COBL: variants seen among roughly 807,000 people sequenced by gnomAD.
COBL encodes the protein cordon-bleu WH2 repeat protein.
In COBL, 51 loss-of-function variants were observed where a neutral mutation model predicts 98.8. The observed-to-expected ratio is 0.52, with a 90% confidence interval of 0.41 to 0.65. COBL has a LOEUF of 0.65. Among genes scored for constraint, COBL ranks in the 30% least tolerant of loss-of-function variants. The pLI, the probability that COBL is intolerant of heterozygous loss-of-function variation, is 0.00. For missense variants in COBL, 1,617 were observed against 1,617.5 expected, an observed-to-expected ratio of 1.00 and a Z score of 0.01; for synonymous variants, 634 against 651.7, an observed-to-expected ratio of 0.97 and a Z score of 0.41.
chr7:51,240,216 G>A (rs116088926), intron 1 of COBL, among the ~76,000 whole-genome samples: 2,098 of 152,256 alleles, frequency 0.014, 62 homozygotes, highest in African/African-American at 0.048. Context: ...TGACAATGCA[G>A]ATCACACTCA....
intron 6 of COBL, among the ~76,000 whole-genome samples, chr7:51,131,591 TTC>T (rs1200207792): frequency 4.0e-5 from 6 of 150,862 alleles, no homozygotes; most frequent in Admixed American, 2.7e-4. Context: ...TTGATTCTTC[TTC>T]TTTTTTTTTT....
chr7:51,185,925 T>A (rs767041731), intron 4 of COBL, among the ~76,000 whole-genome samples: 1 of 152,178 alleles, frequency 6.6e-6, no homozygotes, highest in African/African-American at 2.4e-5. Context: ...AAGGTGCACA[T>A]CCTAGCCACC....
chr7:51,073,372 C>G (rs757874175), intron 7 of COBL: 3 of 694,414 alleles, frequency 4.3e-6, no homozygotes, highest in Non-Finnish European at 7.9e-6. Context: ...TAGGGAATGA[C>G]GCACAGCAAT....
At chr7:51,279,011 A>G (rs1799571989) in intron 1 of COBL, among the ~76,000 whole-genome samples, 1 of 152,258 alleles carries the variant, frequency 6.6e-6, no homozygotes, top group Non-Finnish European at 1.5e-5. Context: ...CAGTCCTGTA[A>G]GGAGTGATAC....
intron 5 of COBL, among the ~76,000 whole-genome samples, chr7:51,142,221 G>A (rs1008342111): frequency 6.6e-6 from 1 of 151,986 alleles, no homozygotes; most frequent in Non-Finnish European, 1.5e-5. Context: ...CCTGGGGGAT[G>A]GCATTTTAAG....
intron 5 of COBL, among the ~76,000 whole-genome samples, chr7:51,177,446 G>A (rs1788477216): frequency 1.3e-5 from 2 of 152,104 alleles, no homozygotes; most frequent in African/African-American, 4.8e-5. Flanking sequence ...TGTATCCAAA[G>A]AGCACAAGAA....
chr7:51,292,026 T>C (rs1351430879), intron 1 of COBL, among the ~76,000 whole-genome samples: 1 of 150,932 alleles, frequency 6.6e-6, no homozygotes, highest in Non-Finnish European at 1.5e-5. Flanking sequence ...CTGGGTGTGG[T>C]GGAGGGCGCT....
chr7:51,280,437 A>G (rs1799718661), intron 1 of COBL, among the ~76,000 whole-genome samples: 1 of 152,202 alleles, frequency 6.6e-6, no homozygotes, highest in Admixed American at 6.5e-5. Flanking sequence ...TTCAAACACA[A>G]AAAGAGGAAA....
At chr7:51,133,409 C>T (rs1374171589) in intron 6 of COBL, among the ~76,000 whole-genome samples, 2 of 152,172 alleles carry the variant, frequency 1.3e-5, no homozygotes, top group Non-Finnish European at 2.9e-5. Flanking sequence ...TTTGAGTAGT[C>T]AAAATTCAGA....
chr7:51,187,327 T>TACACACACAC (rs1485148956), intron 4 of COBL, among the ~76,000 whole-genome samples: 6 of 139,040 alleles, frequency 4.3e-5, no homozygotes, highest in African/African-American at 1.8e-4. Context: ...TATATATATA[T>TACACACACAC]ATATACACAC....
chr7:51,219,043 T>G (rs1793361212), intron 2 of COBL, among the ~76,000 whole-genome samples: 1 of 152,196 alleles, frequency 6.6e-6, no homozygotes, highest in African/African-American at 2.4e-5. Context: ...TTGATCACTG[T>G]CAAACATAAA....
chr7:51,114,835 G>A (rs1176868966), intron 6 of COBL, among the ~76,000 whole-genome samples: 1 of 152,152 alleles, frequency 6.6e-6, no homozygotes, highest in Admixed American at 6.5e-5. Flanking sequence ...GTATTGTATG[G>A]ATTTGTTTAC....
At chr7:51,226,582 G>C (rs1794222877) in intron 1 of COBL, among the ~76,000 whole-genome samples, 1 of 148,520 alleles carries the variant, frequency 6.7e-6, no homozygotes, top group South Asian at 2.1e-4. Context: ...AAGTGAGTGA[G>C]TGAGGGAGTG....
chr7:51,086,340 T>C (rs1437534086), intron 6 of COBL, among the ~76,000 whole-genome samples: 2 of 124,460 alleles, frequency 1.6e-5, no homozygotes, highest in African/African-American at 3.2e-5. Context: ...CTGGGTGATG[T>C]AGCAAGACTG....
At chr7:51,263,941 G>C (rs191286114) in intron 1 of COBL, among the ~76,000 whole-genome samples, 23 of 152,304 alleles carry the variant, frequency 1.5e-4, no homozygotes, top group Admixed American at 9.1e-4. Context: ...TTGGCACTGT[G>C]GTAGGTTCTT....
In COBL at chr7:51,219,939, T is replaced by C; in HGVS notation, c.47A>G (p.Lys16Arg). The change falls in exon 2 of 13, where the codon AAG (lysine) becomes AGG (arginine). Residue 16 changes from lysine to arginine, a missense_variant. Lys to Arg is a conservative substitution (Grantham distance 26). This residue lies in a region of COBL where 238 missense variants were observed against 215.0 expected (regional missense o/e 1.11). Coordinates refer to ENST00000265136, the MANE Select transcript of COBL (RefSeq NM_015198.5). ...ASAAKPPTGR[K>R]MKARAPPPPG... ...AGGTGGGGGAGCACGAGCCTTCATCTTCCTCCTTAAAAACAACAACACAAA... is the reference window on the plus strand; with the variant it reads ...AGGTGGGGGAGCACGAGCCTTCATCCTCCTCCTTAAAAACAACAACACAAA... 1 of 1,609,758 alleles carries C rather than the reference T, an allele frequency of 6.2e-7. No individual in the cohort carries two copies. The highest frequency in any genetic ancestry group is 8.5e-7 in the Non-Finnish European group (1 of 1,179,032).
At chr7:51,127,102 T>C (rs1798285046) in intron 6 of COBL, among the ~76,000 whole-genome samples, 2 of 152,126 alleles carry the variant, frequency 1.3e-5, no homozygotes, top group Non-Finnish European at 2.9e-5. Flanking sequence ...CCGTGGGACG[T>C]GGAGGGCCCT....
At chr7:51,109,012 C>G (rs1338300172) in intron 6 of COBL, among the ~76,000 whole-genome samples, 1 of 151,850 alleles carries the variant, frequency 6.6e-6, no homozygotes, top group African/African-American at 2.4e-5. Flanking sequence ...CTTCCTTTTC[C>G]TTAGTCTCGG....
chr7:51,023,373 A>G (rs1787135111), intron 12 of COBL, among the ~76,000 whole-genome samples: 1 of 152,186 alleles, frequency 6.6e-6, no homozygotes, highest in Non-Finnish European at 1.5e-5. Flanking sequence ...CTGGGTAAGG[A>G]GACTTTTCTC....
Sources: allele counts gnomAD v4.1 joint callset (sites outside exome capture counted in the v4.1 genomes callset), GRCh38; gene constraint gnomAD v4.1.1; regional missense constraint gnomAD v4.1.1; transcripts MANE v1.5; gene names NCBI Gene and HGNC (gene_info 2026-07-23, HGNC 2026-07-21).